The following TCOF1 variants were observed in gnomAD, a reference collection of about 807,000 sequenced individuals.
TCOF1 encodes the protein treacle protein.
In TCOF1, 33 loss-of-function variants were observed where a neutral mutation model predicts 149.0. The observed-to-expected ratio is 0.22, with a 90% CI of 0.17 to 0.30. The LOEUF (loss-of-function observed/expected upper bound fraction) is 0.30, where lower values mean the gene tolerates loss of function less well. Ranked by LOEUF, TCOF1 falls within the 10% of genes least tolerant of loss-of-function variation. The pLI, the probability that TCOF1 is intolerant of heterozygous loss-of-function variation, is 1.00. For synonymous variants in TCOF1, 789 were observed against 738.8 expected (o/e 1.07, Z -1.10); for missense variants, 1,728 against 1,840.7 (o/e 0.94, Z 1.12).
At chr5:150,391,735 A>G (rs1767489711) in intron 20 of TCOF1, 78 bp downstream of exon 20, 1 of 1,383,034 alleles carries the variant, frequency 7.2e-7, no homozygotes, top group Non-Finnish European at 1.0e-6. Context: ...CGGCACCAGC[A>G]CTCATCTGCC....
intron 23 of TCOF1, among the ~76,000 whole-genome samples, chr5:150,395,889 TG>T (rs1455094826): frequency 6.6e-6 from 1 of 152,162 alleles, no homozygotes; most frequent in African/African-American, 2.4e-5. Flanking sequence ...ACACTGAAAG[TG>T]GGTGGGAAAG....
At chr5:150,389,445 G>A (rs1766956593) in intron 18 of TCOF1, among the ~76,000 whole-genome samples, 1 of 152,224 alleles carries the variant, frequency 6.6e-6, no homozygotes, top group Non-Finnish European at 1.5e-5. Context: ...GGAGGAAGCA[G>A]AGGGTTTTGT....
Position 150,376,480 on chromosome 5 carries a change from T to C in TCOF1, c.2200T>C (p.Ser734Pro), listed in dbSNP as rs1763832741. ...VKAASVPVKG[S>P]LGQGTAPVLP... is the part of the protein sequence containing the mutation. ...AGCAGCCTCAGTGCCTGTCAAGGGGTCCTTGGGGCAAGGGACTGCTCCAGT... is the reference window on the plus strand; with the variant it reads ...AGCAGCCTCAGTGCCTGTCAAGGGGCCCTTGGGGCAAGGGACTGCTCCAGT... The change falls in exon 14 of 27, where the codon TCC becomes CCC. Residue 734 changes from serine to proline, a missense_variant. By Grantham distance (74) the Ser-to-Pro change is moderately conservative. Around this residue, in one of 2 missense-constraint regions of TCOF1, gnomAD observed 1,696 missense variants for 1,765.4 expected, o/e 0.96. Transcript: ENST00000643257. 1 of 1,613,954 alleles carries C rather than the reference T, an allele frequency of 6.2e-7. No homozygotes were observed. Among genetic ancestry groups the C allele is most frequent in the African/African-American group, 1.3e-5 (1 of 74,906 alleles).
At chr5:150,361,650 G>A (rs1760118288) in intron 2 of TCOF1, among the ~76,000 whole-genome samples, 1 of 152,228 alleles carries the variant, frequency 6.6e-6, no homozygotes, top group Non-Finnish European at 1.5e-5. Context: ...TTACAAAAGA[G>A]AGGAATCTGT....
intron 25 of TCOF1, among the ~76,000 whole-genome samples, chr5:150,398,755 T>C (rs1429872480): frequency 1.3e-5 from 2 of 152,248 alleles, no homozygotes; most frequent in Non-Finnish European, 2.9e-5. Context: ...GGGCTGCGTG[T>C]GCCCCAGCTG....
chr5:150,378,831 A>C, intron 14 of TCOF1, 74 bp from the exon 15 acceptor site: 3 of 1,604,656 alleles, frequency 1.9e-6, no homozygotes, highest in African/African-American at 1.3e-5. Flanking sequence ...CTCCAGCTCC[A>C]GAGTCTGTAT....
intron 17 of TCOF1, chr5:150,384,634 C>T (rs1765906154): frequency 2.0e-6 from 2 of 985,282 alleles, no homozygotes; most frequent in Non-Finnish European, 2.4e-6. Flanking sequence ...CCTGCTTAAA[C>T]TGAACCATTT....
chr5:150,367,763 T>C, intron 3 of TCOF1, 81 bp from the exon 4 acceptor site: 1 of 1,514,348 alleles, frequency 6.6e-7, no homozygotes, highest in South Asian at 1.2e-5. Flanking sequence ...AATAGAATTG[T>C]TAGGTGAGAT....
chr5:150,375,057 C>T lies in TCOF1; in HGVS notation c.1382C>T (p.Pro461Leu), dbSNP rs200008450. ...AAPAPPRKTG[P>L]AAAQVQVGKQ... ...CCAGCACCTCCTAGGAAAACAGGGC[C>T]TGCAGCCGCCCAGGTCCAGGTGGGG... Residue 461 changes from proline (P) to leucine (L), a missense_variant, in exon 10 of 27, where the codon CCT (proline) becomes CTT (leucine). By Grantham distance (98) the Pro-to-Leu change is moderately conservative. This residue lies in a region of TCOF1 where 1,696 missense variants were observed against 1,765.4 expected (regional missense o/e 0.96). Transcript: ENST00000643257. The T allele has an allele frequency of 7.4e-6, 12 of 1,614,164 alleles. No homozygotes were observed. The highest frequency in any genetic ancestry group is 1.7e-6 in the Non-Finnish European group (2 of 1,180,020).
chr5:150,377,020 A>G (rs541421094), intron 14 of TCOF1, among the ~76,000 whole-genome samples: 8 of 152,350 alleles, frequency 5.3e-5, no homozygotes, highest in African/African-American at 1.4e-4. Flanking sequence ...GCAGCATGAC[A>G]GGTGAGAGCA....
rs1764535721 is a variant in TCOF1 at position 150,379,421 on chromosome 5, G to A, written c.2658+13G>A. 1 of 1,613,700 alleles carries A rather than the reference G, an allele frequency of 6.2e-7. No individual in the cohort carries two copies. Among genetic ancestry groups the A allele is most frequent in the South Asian group, 1.1e-5 (1 of 91,064 alleles). ...GACGCTGGCTCAGGTGAGGGGGAGGGAATGGAGATCATCCCCTACATGGGA... is the reference window on the plus strand; with the variant it reads ...GACGCTGGCTCAGGTGAGGGGGAGGAAATGGAGATCATCCCCTACATGGGA... On this transcript the variant is annotated intron_variant, in intron 16 of 26. Coordinates refer to ENST00000643257, the MANE Select transcript of TCOF1 (RefSeq NM_001371623.1).
At chr5:150,399,178 G>A in intron 26 of TCOF1, 108 bp downstream of exon 26, 1 of 1,494,192 alleles carries the variant, frequency 6.7e-7, no homozygotes, top group Admixed American at 1.8e-5. Flanking sequence ...TAAGGGGAAA[G>A]GAGGCTGGGG....
At position 150,368,757 on chromosome 5, in the gene TCOF1, A is replaced by C. The variant is rs778057977; in HGVS notation, c.420A>C (p.Pro140=). The C allele has an allele frequency of 6.2e-7, 1 of 1,614,098 alleles. No individual in the cohort carries two copies. Among genetic ancestry groups the C allele is most frequent in the Non-Finnish European group, 8.5e-7 (1 of 1,180,032 alleles). Residue 140 remains proline (P), a synonymous_variant, in exon 5 of 27, where the codon CCA becomes CCC. Transcript: ENST00000643257. ...EKAGKTGNSM[P]HPATGKTVAN... is the part of the protein sequence containing the mutation. ...CTGGCAAGACTGGGAATTCCATGCC[A>C]CACCCTGCCACTGGGAAGACGGTGG...
intron 2 of TCOF1, among the ~76,000 whole-genome samples, chr5:150,362,240 A>G (rs1162788724): frequency 1.3e-5 from 2 of 152,214 alleles, no homozygotes. Context: ...TGTAAAATTT[A>G]TGTACTCTTC....
chr5:150,363,017 G>T (rs1159765711), intron 2 of TCOF1, among the ~76,000 whole-genome samples: 1 of 152,144 alleles, frequency 6.6e-6, no homozygotes, highest in Non-Finnish European at 1.5e-5. Flanking sequence ...CCTATAAAAT[G>T]AAAATAATGA....
At chr5:150,359,271 C>G (rs984824651) in intron 1 of TCOF1, among the ~76,000 whole-genome samples, 4 of 150,884 alleles carry the variant, frequency 2.7e-5, no homozygotes, top group African/African-American at 9.8e-5. Flanking sequence ...CACTTGAACC[C>G]AGGAGGCAGA....
In TCOF1 at chr5:150,396,841, G is replaced by C. The variant is rs1464245314; in HGVS notation, c.4344G>C (p.Lys1448Asn). 2 of 1,594,308 alleles carry C rather than the reference G, an allele frequency of 1.3e-6. No homozygotes were observed. Among genetic ancestry groups the C allele is most frequent in the Non-Finnish European group, 1.7e-6 (2 of 1,171,074 alleles). ...AGAAGGAGAAGAAGAAATCCGACAA[G>C]AGTGAGTGACCGCTTCTCCCAGCCC... ...KSKKEKKKSD[K>N]RKKDKEKKEK... is the part of the protein sequence containing the mutation. The change falls in exon 24 of 27, where the codon AAG becomes AAC. Residue 1448 changes from lysine (K) to asparagine (N), a missense_variant and splice_region_variant. By Grantham distance (94) the Lys-to-Asn change is moderately conservative. Transcript: ENST00000643257.
chr5:150,378,120 A>T (rs1483519160), intron 14 of TCOF1, among the ~76,000 whole-genome samples: 1 of 152,084 alleles, frequency 6.6e-6, no homozygotes, highest in East Asian at 1.9e-4. Context: ...TGAAGTCCTG[A>T]TTCTTCACCT....
rs75583421 is a variant in TCOF1, at chr5:150,375,799, G to A, written c.1783G>A (p.Val595Ile). The change falls in exon 12 of 27, where the codon GTA becomes ATA. Residue 595 changes from valine to isoleucine, a missense_variant. Coordinates refer to ENST00000643257, the MANE Select transcript of TCOF1 (RefSeq NM_001371623.1). ...AKGPPQKAGPVAVQVKAEKPM... is the reference protein window; with the variant it reads ...AKGPPQKAGPIAVQVKAEKPM... The stretch of plus-strand genomic sequence containing the variant: ...GGGGCCCCCTCAGAAGGCAGGGCCT[G>A]TAGCCGTCCAGGTCAAGGCTGAAAA... The A allele has an allele frequency of 9.6e-3, 15,425 of 1,614,248 alleles. 102 individuals are homozygous for A. Among genetic ancestry groups the A allele is most frequent in the Non-Finnish European group, 0.011 (13,237 of 1,180,038 alleles).
Sources: allele counts gnomAD v4.1 joint callset (sites outside exome capture counted in the v4.1 genomes callset), GRCh38; gene constraint gnomAD v4.1.1; regional missense constraint gnomAD v4.1.1; transcripts MANE v1.5; gene names NCBI Gene and HGNC (gene_info 2026-07-23, HGNC 2026-07-21).